PNPLA7: variants seen among roughly 807,000 people sequenced by gnomAD.
The protein encoded by PNPLA7 is patatin-like phospholipase domain-containing protein 7.
Under a neutral mutation model 161.7 loss-of-function variants are expected in PNPLA7, and 153 were observed. The observed-to-expected ratio is 0.95, with a 90% CI of 0.83 to 1.08. The LOEUF is 1.08. Ranked by LOEUF, PNPLA7 falls within the 50% of genes least tolerant of loss-of-function variation. PNPLA7 has a pLI of 0.00. For synonymous variants in PNPLA7, 809 were observed against 782.1 expected (o/e 1.03, Z -0.57); for missense variants, 1,739 against 1,856.6 (o/e 0.94, Z 1.16).
chr9:137,512,279 C>G (rs1240271425), intron 12 of PNPLA7, among the ~76,000 whole-genome samples: 1 of 152,248 alleles, frequency 6.6e-6, no homozygotes, highest in East Asian at 1.9e-4. Context: ...CACGGCGAAG[C>G]CTGCACCACC....
chr9:137,521,842 C>T, intron 9 of PNPLA7, 126 bp from the exon 10 acceptor site: 1 of 709,106 alleles, frequency 1.4e-6, no homozygotes, highest in South Asian at 2.1e-5. Flanking sequence ...CGAACCCTCT[C>T]AGGGTGAAAA....
chr9:137,495,168 T>C (rs1588598353), intron 18 of PNPLA7, 22 bp from the exon 19 acceptor site: 3 of 1,565,736 alleles, frequency 1.9e-6, no homozygotes, highest in East Asian at 2.3e-5. Flanking sequence ...AGCCGGCTGC[T>C]GGGGCCGCGG....
At chr9:137,533,887 C>CCCCA (rs1374419223) in intron 8 of PNPLA7, among the ~76,000 whole-genome samples, 3 of 148,962 alleles carry the variant, frequency 2.0e-5, no homozygotes, top group Admixed American at 6.6e-5. Context: ...CCAGACTCCT[C>CCCCA]AGTGAGTGTC....
chr9:137,520,659 G>A lies in PNPLA7; in HGVS notation c.958-616C>T, dbSNP rs1184473679. Among the ~76,000 whole-genome samples the A allele has an allele frequency of 1.3e-5, 2 of 152,198 alleles. No homozygotes were observed. Among genetic ancestry groups the A allele is most frequent in the African/African-American group, 4.8e-5 (2 of 41,446 alleles). On this transcript the variant is annotated intron_variant, in intron 10 of 34. Coordinates refer to ENST00000406427, the MANE Select transcript of PNPLA7 (RefSeq NM_001098537.3). The surrounding 1 kb of genome is among the most constrained non-coding windows in gnomAD (Gnocchi z 5.2). ...GTTTTGGGCAGTGGGGATGGAGCAG[G>A]GCACGAAACCCTGGTCTCACTCAGT...
chr9:137,539,176 C>T (rs1836052659), intron 8 of PNPLA7, among the ~76,000 whole-genome samples: 2 of 151,944 alleles, frequency 1.3e-5, no homozygotes, highest in Admixed American at 6.6e-5. Flanking sequence ...AGGCTGTTCT[C>T]TACTAAAAAT....
intron 23 of PNPLA7, 81 bp from the exon 24 acceptor site, chr9:137,479,319 G>C: frequency 3.6e-6 from 5 of 1,400,266 alleles, no homozygotes; most frequent in Non-Finnish European, 4.7e-6. Context: ...CAGCACAGAG[G>C]GTCTGAGGGC....
chr9:137,480,776 G>T, intron 22 of PNPLA7, 184 bp downstream of exon 22: 1 of 796,694 alleles, frequency 1.3e-6, no homozygotes, highest in Non-Finnish European at 2.0e-6. Flanking sequence ...GCCTGACAGT[G>T]CCCAGCAGGT....
Position 137,492,994 on chromosome 9 carries a change from GT to G in PNPLA7, c.2197+18del. Reference sequence around the variant, plus strand: ...GGTGAGGGCTCCCAGGAGGCTCTGGGTTGGGAGAGGTGACCCACCTGTCACA... The same window carrying G: ...GGTGAGGGCTCCCAGGAGGCTCTGGGTGGGAGAGGTGACCCACCTGTCACA... On this transcript the variant is annotated intron_variant, in intron 20 of 34. Transcript: ENST00000406427. 1 of 1,611,422 alleles carries G rather than the reference GT, an allele frequency of 6.2e-7. No homozygotes were observed. The highest frequency in any genetic ancestry group is 8.5e-7 in the Non-Finnish European group (1 of 1,179,070).
chr9:137,536,431 C>T (rs1000932504), intron 8 of PNPLA7, among the ~76,000 whole-genome samples: 9 of 152,080 alleles, frequency 5.9e-5, no homozygotes, highest in African/African-American at 1.2e-4. Context: ...CTAGCAGGGG[C>T]GCTTCCCAGA....
intron 25 of PNPLA7, among the ~76,000 whole-genome samples, chr9:137,469,560 T>C (rs1831622828): frequency 1.3e-5 from 2 of 152,374 alleles, no homozygotes; most frequent in South Asian, 4.1e-4. Context: ...TTACCTTAAC[T>C]TTTCTATCCT....
intron 13 of PNPLA7, 69 bp from the exon 14 acceptor site, chr9:137,505,829 C>T (rs1438007433): frequency 6.3e-7 from 1 of 1,589,204 alleles, no homozygotes; most frequent in Non-Finnish European, 8.6e-7. Flanking sequence ...AGGGTGTGGT[C>T]AGGTCTGAAT....
intron 20 of PNPLA7, among the ~76,000 whole-genome samples, chr9:137,485,020 A>G (rs1212654371): frequency 1.3e-5 from 2 of 152,056 alleles, no homozygotes; most frequent in African/African-American, 4.8e-5. Context: ...CTCAGAGGCT[A>G]CCTGGGCCTC....
chr9:137,486,054 GCTC>G lies in PNPLA7; in HGVS notation c.2198-1321_2198-1319del, dbSNP rs888639265. 6.6e-6 allele frequency among the ~76,000 whole-genome samples: 1 copy of G among 151,836 alleles called. No homozygotes were observed. The highest frequency in any genetic ancestry group is 1.5e-5 in the Non-Finnish European group (1 of 67,960). ...TCTCCTGCATCTAGGTGCCGTGGAT[GCTC>G]CTCCTCTGCAGTCCCCGTGGCCCAG... On this transcript the variant is annotated intron_variant, in intron 20 of 34. Coordinates refer to ENST00000406427, the MANE Select transcript of PNPLA7 (RefSeq NM_001098537.3). The surrounding 1 kb of genome is among the most constrained non-coding windows in gnomAD (Gnocchi z 6.0).
At chr9:137,489,149 A>C (rs1200854745) in intron 20 of PNPLA7, among the ~76,000 whole-genome samples, 1 of 151,974 alleles carries the variant, frequency 6.6e-6, no homozygotes, top group Non-Finnish European at 1.5e-5. Flanking sequence ...CCTGCCAACT[A>C]GAGGTAGGAG....
chr9:137,460,169 G>C lies in PNPLA7; in HGVS notation c.*224C>G. On this transcript the variant is annotated 3_prime_UTR_variant, in exon 35 of 35. Coordinates refer to ENST00000406427, the MANE Select transcript of PNPLA7 (RefSeq NM_001098537.3). ...TTCACAGAGCTTCAGGGGCCTCACA[G>C]AGCTTCAGGGGCCTCACAGGACTGC... The C allele has an allele frequency of 6.2e-6, 3 of 482,554 alleles. No homozygotes were observed. The South Asian group carries it at 7.3e-5, about 12-fold the overall frequency. The allele number at this position is 482,554 out of a possible 1,614,324, so 29.9% of individuals were successfully genotyped here. A position where few individuals can be genotyped will look rare whatever the true frequency, so the allele number is the denominator to read the frequency against.
intron 8 of PNPLA7, among the ~76,000 whole-genome samples, chr9:137,532,330 G>C (rs1015062891): frequency 6.6e-6 from 1 of 152,044 alleles, no homozygotes; most frequent in African/African-American, 2.4e-5. Flanking sequence ...CCAGCTACTC[G>C]GGAGGCTGAA....
Position 137,522,230 on chromosome 9 carries a change from A to T in PNPLA7, c.876+499T>A, listed in dbSNP as rs189123924. ...GCTGGGACTACAGGCGCCCGCCACC[A>T]CGCCTGGCTAATTTTTTGTATTTTT... is the stretch of plus-strand genomic sequence containing the variant. On this transcript the variant is annotated intron_variant, in intron 9 of 34. Transcript: ENST00000406427. Among the ~76,000 whole-genome samples, 4 of 152,232 alleles carry T rather than the reference A, an allele frequency of 2.6e-5. No individual in the cohort carries two copies. The South Asian group carries it at 8.3e-4, about 32-fold the overall frequency.
chr9:137,477,437 G>A (rs1831990169), intron 25 of PNPLA7, among the ~76,000 whole-genome samples: 1 of 152,104 alleles, frequency 6.6e-6, no homozygotes, highest in Non-Finnish European at 1.5e-5. Flanking sequence ...GAGGTGCAAA[G>A]GGCCAACAAG....
chr9:137,533,039 A>C (rs1835661498), intron 8 of PNPLA7, among the ~76,000 whole-genome samples: 1 of 149,478 alleles, frequency 6.7e-6, no homozygotes, highest in Admixed American at 6.6e-5. Flanking sequence ...GCACTCTCAG[A>C]CTCCTCAGTG....
Sources: gnomAD v4.1 joint callset for allele counts (sites outside exome capture counted in the v4.1 genomes callset) on GRCh38, gnomAD v4.1.1 for gene constraint, Gnocchi (gnomAD v3.1) non-coding constraint, MANE v1.5 for transcripts, NCBI Gene and HGNC (gene_info 2026-07-23, HGNC 2026-07-21) for gene names.